The following FAM117B variants were observed in gnomAD, a reference collection of about 807,000 sequenced individuals.
FAM117B encodes the protein protein FAM117B.
Under a neutral mutation model 52.8 loss-of-function variants are expected in FAM117B, and 22 were observed. That is an observed-to-expected ratio of 0.42 (90% CI 0.30 to 0.59). FAM117B has a LOEUF of 0.59. Ranked by LOEUF, FAM117B falls within the 20% of genes least tolerant of loss-of-function variation. FAM117B has a pLI of 0.22. For synonymous variants in FAM117B, 309 were observed against 324.1 expected (o/e 0.95, Z 0.50); for missense variants, 678 against 802.6 (o/e 0.84, Z 1.88).
chr2:202,710,383 A>G (rs56074256), intron 2 of FAM117B, among the ~76,000 whole-genome samples: 27,718 of 152,012 alleles, frequency 0.18, 3,265 homozygotes, highest in South Asian at 0.38. Flanking sequence ...GCTGTTGTAA[A>G]TGAGATTGCT....
chr2:202,707,639 G>A (rs1690892979), intron 2 of FAM117B, among the ~76,000 whole-genome samples: 1 of 151,820 alleles, frequency 6.6e-6, no homozygotes, highest in Admixed American at 6.6e-5. Context: ...CCTGGGAGGT[G>A]GAGGTCACAG....
At chr2:202,748,748 C>G (rs1025926255) in intron 4 of FAM117B, among the ~76,000 whole-genome samples, 3 of 152,050 alleles carry the variant, frequency 2.0e-5, no homozygotes, top group African/African-American at 7.2e-5. Flanking sequence ...AAATGCAAAT[C>G]AAATCCAAAT....
intron 1 of FAM117B, among the ~76,000 whole-genome samples, chr2:202,664,874 TA>T (rs1324944788): frequency 1.6e-4 from 24 of 152,218 alleles, no homozygotes; most frequent in Non-Finnish European, 1.5e-4. Context: ...TATAGCAGCT[TA>T]AAACAATATC....
chr2:202,665,208 GT>G (rs1268527219), intron 1 of FAM117B, among the ~76,000 whole-genome samples: 9 of 150,526 alleles, frequency 6.0e-5, no homozygotes, highest in Non-Finnish European at 1.5e-5. Flanking sequence ...TTGAGACAGA[GT>G]TTCGTATGCT....
intron 1 of FAM117B, among the ~76,000 whole-genome samples, chr2:202,694,937 T>C (rs1318713447): frequency 6.6e-6 from 1 of 152,174 alleles, no homozygotes; most frequent in East Asian, 1.9e-4. Flanking sequence ...TAGTGAAAGA[T>C]TGTCACTGAT....
At chr2:202,648,835 C>T (rs917929568) in intron 1 of FAM117B, among the ~76,000 whole-genome samples, 2 of 151,764 alleles carry the variant, frequency 1.3e-5, no homozygotes, top group Non-Finnish European at 2.9e-5. Flanking sequence ...GATCTTGGCT[C>T]ACTGCAACCT....
chr2:202,733,599 C>G (rs1474427457), intron 4 of FAM117B, among the ~76,000 whole-genome samples: 1 of 152,170 alleles, frequency 6.6e-6, no homozygotes, highest in Non-Finnish European at 1.5e-5. Context: ...CTCCTACTTG[C>G]ACGTCCATTT....
At chr2:202,725,922 T>C (rs1691236090) in intron 3 of FAM117B, among the ~76,000 whole-genome samples, 1 of 152,236 alleles carries the variant, frequency 6.6e-6, no homozygotes, top group Admixed American at 6.5e-5. Context: ...TAAATTGAAA[T>C]AAAAATTAAC....
intron 1 of FAM117B, among the ~76,000 whole-genome samples, chr2:202,649,944 T>C (rs1689933180): frequency 1.3e-5 from 2 of 152,260 alleles, no homozygotes; most frequent in African/African-American, 4.8e-5. Context: ...CTCAGCTCAC[T>C]GGAACCTTCA....
chr2:202,685,872 G>A (rs575371765), intron 1 of FAM117B, among the ~76,000 whole-genome samples: 1 of 152,270 alleles, frequency 6.6e-6, no homozygotes, highest in East Asian at 1.9e-4. Context: ...CTTGGAGTAG[G>A]CAAAGGTCTT....
rs148060651 is a variant in FAM117B, at chr2:202,707,388, A to G, written c.753+11356A>G. Among the ~76,000 whole-genome samples the G allele has an allele frequency of 2.1e-3, 324 of 151,832 alleles. 1 individual carries two copies. The highest frequency in any genetic ancestry group is 7.3e-3 in the African/African-American group (304 of 41,468). On this transcript the variant is annotated intron_variant, in intron 2 of 7. Transcript: ENST00000392238. Reference sequence around the variant, plus strand: ...GGGCACATCTAGCAGATGAAGGGTTATATTTTGGAATCCTTTAAAACAAAT... The same window carrying G: ...GGGCACATCTAGCAGATGAAGGGTTGTATTTTGGAATCCTTTAAAACAAAT...
intron 2 of FAM117B, among the ~76,000 whole-genome samples, chr2:202,713,410 C>A (rs1363020053): frequency 6.6e-6 from 1 of 152,010 alleles, no homozygotes; most frequent in African/African-American, 2.4e-5. Flanking sequence ...TTATTTAGAT[C>A]TCTCTTTTTC....
chr2:202,678,311 G>A (rs1574552506), intron 1 of FAM117B, among the ~76,000 whole-genome samples: 2 of 152,288 alleles, frequency 1.3e-5, no homozygotes, highest in Middle Eastern at 6.8e-3. Flanking sequence ...GTAGAAAAGT[G>A]GCTGCTTATA....
intron 4 of FAM117B, among the ~76,000 whole-genome samples, chr2:202,732,499 C>T (rs1210001852): frequency 1.3e-5 from 2 of 152,136 alleles, no homozygotes; most frequent in African/African-American, 2.4e-5. Context: ...AGTACCAGTA[C>T]ATGCGACAAC....
At chr2:202,691,983 C>CTT (rs1449109264) in intron 1 of FAM117B, among the ~76,000 whole-genome samples, 27 of 152,222 alleles carry the variant, frequency 1.8e-4, no homozygotes, top group Middle Eastern at 6.8e-3. Context: ...ACTGAGAAAG[C>CTT]AAATTATGTG....
intron 2 of FAM117B, among the ~76,000 whole-genome samples, chr2:202,717,926 G>T (rs184874211): frequency 6.4e-4 from 97 of 152,296 alleles, no homozygotes; most frequent in Admixed American, 6.2e-3. Flanking sequence ...GTCCAGAGGT[G>T]TTGTAGGGAG....
chr2:202,649,801 G>A (rs910475684), intron 1 of FAM117B, among the ~76,000 whole-genome samples: 3 of 152,024 alleles, frequency 2.0e-5, no homozygotes, highest in Non-Finnish European at 2.9e-5. Context: ...ATCTGCCCAC[G>A]TCAGCCTCCC....
intron 2 of FAM117B, among the ~76,000 whole-genome samples, chr2:202,718,003 G>A (rs1691084974): frequency 1.3e-5 from 2 of 152,012 alleles, no homozygotes; most frequent in Admixed American, 6.6e-5. Flanking sequence ...ACAAGATGCA[G>A]TCCTTCCCAC....
chr2:202,749,994 G>T (rs1373231951), intron 4 of FAM117B, among the ~76,000 whole-genome samples: 2 of 152,176 alleles, frequency 1.3e-5, no homozygotes, highest in African/African-American at 4.8e-5. Flanking sequence ...CATAGACTAC[G>T]TGACTTTACA....
Sources: allele counts gnomAD v4.1 joint callset (sites outside exome capture counted in the v4.1 genomes callset), GRCh38; gene constraint gnomAD v4.1.1; transcripts MANE v1.5; gene names NCBI Gene and HGNC (gene_info 2026-07-23, HGNC 2026-07-21).